ARHGEF26: variants seen among roughly 807,000 people sequenced by gnomAD.
ARHGEF26 encodes the protein Rho guanine nucleotide exchange factor (GEF) 26.
Under a neutral mutation model 89.4 loss-of-function variants are expected in ARHGEF26, and 59 were observed. The observed-to-expected ratio is 0.66, with a 90% confidence interval of 0.54 to 0.82. The LOEUF (loss-of-function observed/expected upper bound fraction) is 0.82, where lower values mean the gene tolerates loss of function less well. ARHGEF26 is among the 40% of genes least tolerant of loss of function. The pLI, the probability that ARHGEF26 is intolerant of heterozygous loss-of-function variation, is 0.00. For missense variants in ARHGEF26, 1,234 were observed against 1,085.6 expected (o/e 1.14, Z -1.92); for synonymous variants, 500 against 428.4 (o/e 1.17, Z -2.06).
intron 9 of ARHGEF26, 102 bp from the exon 10 acceptor site, chr3:154,217,767 T>C (rs1715859128): frequency 3.5e-6 from 3 of 860,102 alleles, no homozygotes; most frequent in Admixed American, 2.1e-5. Context: ...AATGAATCTC[T>C]AGGGCTTCCC....
At chr3:154,173,192 A>G (rs1350587576) in intron 6 of ARHGEF26, among the ~76,000 whole-genome samples, 1 of 151,608 alleles carries the variant, frequency 6.6e-6, no homozygotes, top group Non-Finnish European at 1.5e-5. Flanking sequence ...ATTACCCTCC[A>G]CTCCTGCCAC....
intron 4 of ARHGEF26, among the ~76,000 whole-genome samples, chr3:154,132,510 T>A (rs1718740523): frequency 6.6e-6 from 1 of 152,122 alleles, no homozygotes; most frequent in Non-Finnish European, 1.5e-5. Context: ...CCATTACCTT[T>A]TTAGAAGCTC....
intron 9 of ARHGEF26, among the ~76,000 whole-genome samples, chr3:154,204,804 A>T (rs1485032851): frequency 6.6e-6 from 1 of 151,908 alleles, no homozygotes; most frequent in East Asian, 1.9e-4. Flanking sequence ...CATATTTTTT[A>T]ATTTCTATGT....
Position 154,129,552 on chromosome 3 carries a change from CAT to C in ARHGEF26, c.1124-20_1124-19del, listed in dbSNP as rs1293988854. 6.2e-7 allele frequency: 1 copy of C among 1,607,700 alleles called. No individual in the cohort carries two copies. Among genetic ancestry groups the C allele is most frequent in the South Asian group, 1.1e-5 (1 of 89,692 alleles). On this transcript the variant is annotated intron_variant, in intron 3 of 14. Coordinates refer to ENST00000465093, the MANE Select transcript of ARHGEF26 (RefSeq NM_015595.4). The stretch of plus-strand genomic sequence containing the variant: ...TAATGATTGAGAACAATTAGTGACA[CAT>C]AGGCCTTGTTTTCTTGCAGAAAATG...
At chr3:154,221,908 T>C (rs561200841) in intron 10 of ARHGEF26, among the ~76,000 whole-genome samples, 8 of 152,322 alleles carry the variant, frequency 5.3e-5, no homozygotes, top group African/African-American at 1.7e-4. Flanking sequence ...GGTAATGAGT[T>C]CTATTTTGGC....
At chr3:154,139,864 A>T (rs1002025633) in intron 4 of ARHGEF26, among the ~76,000 whole-genome samples, 1 of 152,164 alleles carries the variant, frequency 6.6e-6, no homozygotes, top group Non-Finnish European at 1.5e-5. Flanking sequence ...TATTATTTTG[A>T]GGAGATAAGA....
intron 9 of ARHGEF26, among the ~76,000 whole-genome samples, chr3:154,208,498 G>A: frequency 6.6e-6 from 1 of 152,078 alleles, no homozygotes; most frequent in Non-Finnish European, 1.5e-5. Context: ...GGTTTGGGAA[G>A]TTCTCTGTTA....
intron 9 of ARHGEF26, 92 bp from the exon 10 acceptor site, chr3:154,217,777 C>A: frequency 1.0e-6 from 1 of 952,918 alleles, no homozygotes; most frequent in Non-Finnish European, 1.6e-6. Flanking sequence ...TAGGGCTTCC[C>A]AAGTGGTAAT....
intron 6 of ARHGEF26, among the ~76,000 whole-genome samples, chr3:154,178,020 C>G (rs1028611786): frequency 6.6e-6 from 1 of 151,970 alleles, no homozygotes; most frequent in African/African-American, 2.4e-5. Context: ...CCTGGCCAAC[C>G]TGGTGAACCC....
At chr3:154,217,503 G>A (rs867294676) in intron 9 of ARHGEF26, among the ~76,000 whole-genome samples, 7 of 152,084 alleles carry the variant, frequency 4.6e-5, no homozygotes, top group African/African-American at 1.7e-4. Context: ...CACACTGATG[G>A]TAGTTTCTTT....
intron 10 of ARHGEF26, among the ~76,000 whole-genome samples, chr3:154,222,764 A>G (rs1302130706): frequency 1.3e-5 from 2 of 152,168 alleles, no homozygotes; most frequent in African/African-American, 4.8e-5. Context: ...TAGAGGATTC[A>G]CAAAGTCAAG....
chr3:154,167,048 G>A (rs748059222), intron 6 of ARHGEF26, among the ~76,000 whole-genome samples: 4 of 152,032 alleles, frequency 2.6e-5, no homozygotes, highest in Non-Finnish European at 4.4e-5. Flanking sequence ...TAAAATCTTT[G>A]TATGCTCCCC....
intron 9 of ARHGEF26, among the ~76,000 whole-genome samples, chr3:154,209,141 C>T (rs1310637455): frequency 6.6e-6 from 1 of 152,092 alleles, no homozygotes; most frequent in Non-Finnish European, 1.5e-5. Context: ...TTAAATTTAG[C>T]TGGTATAATT....
At chr3:154,173,029 C>T (rs923399042) in intron 6 of ARHGEF26, among the ~76,000 whole-genome samples, 8 of 152,056 alleles carry the variant, frequency 5.3e-5, no homozygotes, top group Admixed American at 1.3e-4. Flanking sequence ...TAGCCAAAGT[C>T]GACATTTGAG....
chr3:154,130,727 C>G (rs1718635959), intron 4 of ARHGEF26, among the ~76,000 whole-genome samples: 1 of 152,106 alleles, frequency 6.6e-6, no homozygotes, highest in Non-Finnish European at 1.5e-5. Context: ...GAAAGGAATT[C>G]CCATGGCTGG....
chr3:154,124,250 C>T (rs894385322), intron 2 of ARHGEF26, among the ~76,000 whole-genome samples, 160 bp from the exon 3 acceptor site: 4 of 151,416 alleles, frequency 2.6e-5, no homozygotes, highest in African/African-American at 9.7e-5. Flanking sequence ...TGAGTGAACT[C>T]CTCCAGGGCT....
At chr3:154,216,492 A>ATTTTT (rs1428596973) in intron 9 of ARHGEF26, among the ~76,000 whole-genome samples, 2 of 128,982 alleles carry the variant, frequency 1.6e-5, no homozygotes, top group African/African-American at 2.9e-5. Flanking sequence ...TTTTTTTTTT[A>ATTTTT]TTTTTTTTTA....
chr3:154,196,430 C>T (rs1217227064), intron 9 of ARHGEF26, among the ~76,000 whole-genome samples: 1 of 152,140 alleles, frequency 6.6e-6, no homozygotes, highest in East Asian at 1.9e-4. Flanking sequence ...TCTCCAGTTA[C>T]ATAGCCCTAT....
At chr3:154,139,302 A>C (rs751967006) in intron 4 of ARHGEF26, among the ~76,000 whole-genome samples, 1 of 152,034 alleles carries the variant, frequency 6.6e-6, no homozygotes, top group Non-Finnish European at 1.5e-5. Context: ...TCTTACCTGC[A>C]CTCATGTGGT....
Sources: allele counts gnomAD v4.1 joint callset (sites outside exome capture counted in the v4.1 genomes callset), GRCh38; gene constraint gnomAD v4.1.1; transcripts MANE v1.5; gene names NCBI Gene and HGNC (gene_info 2026-07-23, HGNC 2026-07-21).